Variants in ARHGAP35 observed in about 807,000 individuals in gnomAD.
ARHGAP35 encodes the protein rho GTPase-activating protein 35.
In ARHGAP35, 15 loss-of-function variants were observed where a neutral mutation model predicts 111.1. That is an observed-to-expected ratio of 0.13 (90% CI 0.09 to 0.21). The LOEUF is 0.21. ARHGAP35 is among the 10% of genes least tolerant of loss of function. The pLI, the probability that ARHGAP35 is intolerant of heterozygous loss-of-function variation, is 1.00. For missense variants in ARHGAP35, 1,262 were observed against 1,873.0 expected (o/e 0.67, Z 6.02); for synonymous variants, 643 against 710.3 (o/e 0.91, Z 1.51).
intron 3 of ARHGAP35, among the ~76,000 whole-genome samples, chr19:46,987,080 G>C (rs538239283): frequency 6.6e-6 from 1 of 151,394 alleles, no homozygotes; most frequent in South Asian, 2.1e-4. Flanking sequence ...CACCCACCTC[G>C]ACCTCCCAAA....
At chr19:46,900,532 A>G (rs1189114923) in intron 1 of ARHGAP35, among the ~76,000 whole-genome samples, 3 of 152,102 alleles carry the variant, frequency 2.0e-5, no homozygotes, top group African/African-American at 4.8e-5. Context: ...TTATTAGCCA[A>G]TTTGAAACCT....
intron 2 of ARHGAP35, among the ~76,000 whole-genome samples, chr19:46,929,102 T>C (rs745788167): frequency 6.6e-6 from 1 of 152,214 alleles, no homozygotes; most frequent in Non-Finnish European, 1.5e-5. Context: ...TGAGTCATGG[T>C]ATTAACTGCC....
At chr19:46,905,595 G>C (rs1225237407) in intron 1 of ARHGAP35, among the ~76,000 whole-genome samples, 2 of 150,826 alleles carry the variant, frequency 1.3e-5, no homozygotes, top group African/African-American at 4.9e-5. Context: ...TGTCACCCAG[G>C]CTGGAGTGCA....
chr19:46,926,329 CT>C lies in ARHGAP35; in HGVS notation c.3681+3974del, dbSNP rs1417727394. On this transcript the variant is annotated intron_variant, in intron 2 of 6. Coordinates refer to ENST00000672722, the MANE Select transcript of ARHGAP35 (RefSeq NM_004491.5). This position sits in a 1 kb window ranked among gnomAD's most constrained non-coding sequence, Gnocchi z 4.1. Reference sequence around the variant, plus strand: ...CATAGTGGGAGCCTTCCGCACTCAGCTGAATGAAATTGAAAATCTACGATTG... The same window carrying C: ...CATAGTGGGAGCCTTCCGCACTCAGCGAATGAAATTGAAAATCTACGATTG... Among the ~76,000 whole-genome samples the C allele has an allele frequency of 2.0e-5, 3 of 152,204 alleles. No individual in the cohort carries two copies. Among genetic ancestry groups the C allele is most frequent in the Admixed American group, 1.3e-4 (2 of 15,284 alleles).
intron 1 of ARHGAP35, among the ~76,000 whole-genome samples, chr19:46,868,893 ATTTTTTTTTTTTTTT>A (rs59080309): frequency 1.7e-4 from 10 of 58,704 alleles, no homozygotes; most frequent in Admixed American, 4.6e-4. Context: ...GCTCACCGTG[ATTTTTTTTTTTTTTT>A]TTTTTTTTTT....
intron 1 of ARHGAP35, among the ~76,000 whole-genome samples, chr19:46,912,909 C>T (rs1027823541): frequency 5.3e-5 from 8 of 150,114 alleles, no homozygotes; most frequent in Admixed American, 2.7e-4. Context: ...TTGAGAAATA[C>T]GAGGTTTTAA....
intron 3 of ARHGAP35, among the ~76,000 whole-genome samples, chr19:46,951,654 G>T (rs1347322545): frequency 6.6e-6 from 1 of 152,200 alleles, no homozygotes; most frequent in Non-Finnish European, 1.5e-5. Context: ...TACCTGGCAG[G>T]TTGTAAGTAG....
chr19:46,990,996 G>A (rs1026225301), intron 5 of ARHGAP35, among the ~76,000 whole-genome samples: 12 of 152,226 alleles, frequency 7.9e-5, no homozygotes, highest in African/African-American at 2.7e-4. Flanking sequence ...CAGGGATGGG[G>A]CAGGAGAGCG....
chr19:46,866,317 CAG>C (rs2055856695), intron 1 of ARHGAP35, among the ~76,000 whole-genome samples: 1 of 152,158 alleles, frequency 6.6e-6, no homozygotes, highest in African/African-American at 2.4e-5. Context: ...CATTGGAACT[CAG>C]TGGGAAAATC....
intron 1 of ARHGAP35, among the ~76,000 whole-genome samples, chr19:46,880,947 CT>C (rs1206653160): frequency 3.7e-3 from 425 of 113,716 alleles, no homozygotes; most frequent in African/African-American, 7.1e-3. Context: ...AATGAATGTT[CT>C]TTTTTTTTTT....
At chr19:46,965,966 A>G (rs932344423) in intron 3 of ARHGAP35, among the ~76,000 whole-genome samples, 2 of 152,130 alleles carry the variant, frequency 1.3e-5, no homozygotes, top group Non-Finnish European at 2.9e-5. Context: ...ATTGCCCCCT[A>G]GAAGGACTCT....
rs574204146 is a variant in ARHGAP35 at position 46,994,600 on chromosome 19, G to A, written c.4037-4704G>A. ...CCGTGAACTCGCCGGGGATGAGGAT[G>A]GTGGTCAGGAGGGGAAACAGAGGCA... On this transcript the variant is annotated intron_variant, in intron 5 of 6. Coordinates refer to ENST00000672722, the MANE Select transcript of ARHGAP35 (RefSeq NM_004491.5). This position sits in a 1 kb window ranked among gnomAD's most constrained non-coding sequence, Gnocchi z 5.4. 7.6e-4 allele frequency among the ~76,000 whole-genome samples: 116 copies of A among 152,280 alleles called. No homozygotes were observed. The highest frequency in any genetic ancestry group is 2.7e-3 in the African/African-American group (112 of 41,566).
chr19:46,943,039 AT>A (rs79252272), intron 3 of ARHGAP35, among the ~76,000 whole-genome samples: 22,196 of 141,040 alleles, frequency 0.16, 1,790 homozygotes, highest in Admixed American at 0.19. Context: ...TAATAATGTG[AT>A]TTTTTTTTTT....
chr19:46,880,250 T>C lies in ARHGAP35; in HGVS notation c.-189+19041T>C, dbSNP rs113347212. On this transcript the variant is annotated intron_variant, in intron 1 of 6. Transcript: ENST00000672722. ...GAGTTCGACACCAGCCTGGCCAACA[T>C]GGAGAAACCCCCTCTCTACTAAAAA... 4.2e-3 allele frequency among the ~76,000 whole-genome samples: 637 copies of C among 151,860 alleles called. 5 individuals carry two copies. Among genetic ancestry groups the C allele is most frequent in the African/African-American group, 0.014 (566 of 41,354 alleles).
intron 3 of ARHGAP35, among the ~76,000 whole-genome samples, chr19:46,956,659 G>A (rs1468876086): frequency 6.6e-6 from 1 of 152,074 alleles, no homozygotes; most frequent in Non-Finnish European, 1.5e-5. Context: ...AACTATTTTG[G>A]TTGAGGGCTG....
chr19:46,924,752 G>C (rs566399213), intron 2 of ARHGAP35, among the ~76,000 whole-genome samples: 1 of 152,320 alleles, frequency 6.6e-6, no homozygotes, highest in East Asian at 1.9e-4. Flanking sequence ...TGCCAGAACA[G>C]CTTAAAAATG....
In ARHGAP35 at chr19:47,001,039, G is replaced by C; in HGVS notation, c.*351G>C. ...TTGTACAGAGCCCATGGTCGGGACA[G>C]TGCCCTGGCCTTTGCCGGGGAGGAG... is the stretch of plus-strand genomic sequence containing the variant. On this transcript the variant is annotated 3_prime_UTR_variant, in exon 7 of 7. Coordinates refer to ENST00000672722, the MANE Select transcript of ARHGAP35 (RefSeq NM_004491.5). The surrounding 1 kb of genome is among the most constrained non-coding windows in gnomAD (Gnocchi z 5.4). The C allele has an allele frequency of 7.1e-7, 1 of 1,401,222 alleles. No homozygotes were observed. Among genetic ancestry groups the C allele is most frequent in the Non-Finnish European group, 9.4e-7 (1 of 1,061,332 alleles). 86.8% of individuals were successfully genotyped at this position (1,401,222 alleles called of 1,614,324 possible).
Position 46,988,425 on chromosome 19 carries a change from G to C in ARHGAP35, c.3904+359G>C. 3.9e-6 allele frequency: 1 copy of C among 255,576 alleles called. No homozygotes were observed. Among genetic ancestry groups the C allele is most frequent in the East Asian group, 1.1e-4 (1 of 9,380 alleles). The allele number at this position is 255,576 out of a possible 1,614,324, so 15.8% of individuals were successfully genotyped here. Reference sequence around the variant, plus strand: ...AGGCACATGATATACAAGTCGGGTTGAGATGTGATCCTGTTTTGCCAGGGC... The same window carrying C: ...AGGCACATGATATACAAGTCGGGTTCAGATGTGATCCTGTTTTGCCAGGGC... On this transcript the variant is annotated intron_variant, in intron 4 of 6. Coordinates refer to ENST00000672722, the MANE Select transcript of ARHGAP35 (RefSeq NM_004491.5). The surrounding 1 kb of genome is among the most constrained non-coding windows in gnomAD (Gnocchi z 5.4).
At chr19:46,913,878 A>G (rs1413456270) in intron 1 of ARHGAP35, among the ~76,000 whole-genome samples, 1 of 152,224 alleles carries the variant, frequency 6.6e-6, no homozygotes, top group African/African-American at 2.4e-5. Flanking sequence ...TGCTAAGAAC[A>G]CTGGTTCCCA....
Sources: gnomAD v4.1 joint callset for allele counts (sites outside exome capture counted in the v4.1 genomes callset) on GRCh38, gnomAD v4.1.1 for gene constraint, Gnocchi (gnomAD v3.1) non-coding constraint, MANE v1.5 for transcripts, NCBI Gene and HGNC (gene_info 2026-07-23, HGNC 2026-07-21) for gene names.